Variants in RBFOX1 observed in about 807,000 individuals in gnomAD.
The protein encoded by RBFOX1 is RNA binding fox-1 homolog 1.
A neutral mutation model predicts 57.7 loss-of-function variants in RBFOX1; 8 were observed. The ratio of observed to expected loss-of-function variants is 0.14; its 90% CI spans 0.08 to 0.25. RBFOX1 has a LOEUF of 0.25. Ranked by LOEUF, RBFOX1 falls within the 10% of genes least tolerant of loss-of-function variation. The probability of loss-of-function intolerance (pLI) is 1.00; values close to 1 mark genes in which losing one functional copy is unlikely to be tolerated. For synonymous variants in RBFOX1, 326 were observed against 222.4 expected, an observed-to-expected ratio of 1.47 and a Z score of -4.15; for missense variants, 611 against 548.5, an observed-to-expected ratio of 1.11 and a Z score of -1.14.
chr16:6,901,705 T>C (rs1231616905), intron 3 of RBFOX1, among the ~76,000 whole-genome samples: 1 of 152,222 alleles, frequency 6.6e-6, no homozygotes, highest in Admixed American at 6.5e-5. Context: ...GATAATTTGT[T>C]ACATGGAAGC....
At chr16:6,361,491 G>A (rs1385903331) in intron 2 of RBFOX1, among the ~76,000 whole-genome samples, 2 of 152,080 alleles carry the variant, frequency 1.3e-5, no homozygotes, top group African/African-American at 2.4e-5. Flanking sequence ...AGCCTGGTGT[G>A]GTGGCTAATG....
At chr16:7,407,398 GTGTGTGTA>G (rs374305430) in intron 4 of RBFOX1, among the ~76,000 whole-genome samples, 19 of 151,020 alleles carry the variant, frequency 1.3e-4, no homozygotes, top group African/African-American at 4.4e-4. Context: ...GTGTGTGTGT[GTGTGTGTA>G]TGTGTGTGGT....
rs147104472 is a variant in RBFOX1, at chr16:6,974,977, C to A, written c.-15-77080C>A. Among the ~76,000 whole-genome samples, 966 of 152,320 alleles carry A rather than the reference C, an allele frequency of 6.3e-3. 8 individuals are homozygous for A. The highest frequency in any genetic ancestry group is 0.021 in the African/African-American group (892 of 41,568). ...GTTCTAAAAGAATCTTCCTCTGCTT[C>A]TGCTTCTAATTCTGGAAGAAAGGGT... On this transcript the variant is annotated intron_variant, in intron 3 of 15. Transcript: ENST00000550418.
intron 2 of RBFOX1, among the ~76,000 whole-genome samples, chr16:5,500,432 A>T (rs941979543): frequency 1.3e-5 from 2 of 152,030 alleles, no homozygotes; most frequent in Non-Finnish European, 2.9e-5. Flanking sequence ...TATGTTGCCC[A>T]GGCTGTCTTG....
chr16:7,180,908 T>C (rs141509668), intron 4 of RBFOX1, among the ~76,000 whole-genome samples: 3 of 152,242 alleles, frequency 2.0e-5, no homozygotes, highest in African/African-American at 7.2e-5. Flanking sequence ...GAGGGTCAGA[T>C]AATAAATATT....
chr16:6,128,859 C>T (rs2096609058), intron 1 of RBFOX1, among the ~76,000 whole-genome samples: 1 of 152,174 alleles, frequency 6.6e-6, no homozygotes, highest in African/African-American at 2.4e-5. Flanking sequence ...ACACCTTGTG[C>T]AATCAAGTGG....
At chr16:7,566,899 T>C (rs2091817243) in intron 5 of RBFOX1, among the ~76,000 whole-genome samples, 1 of 151,830 alleles carries the variant, frequency 6.6e-6, no homozygotes, top group Non-Finnish European at 1.5e-5. Context: ...CCCCAAAAGG[T>C]GGTCCACAGT....
chr16:7,050,662 T>C (rs542812368), intron 3 of RBFOX1, among the ~76,000 whole-genome samples: 1 of 152,356 alleles, frequency 6.6e-6, no homozygotes, highest in East Asian at 1.9e-4. Flanking sequence ...TCTTAACAAC[T>C]AAATGGTGTC....
intron 4 of RBFOX1, among the ~76,000 whole-genome samples, chr16:7,206,667 T>G (rs2090042748): frequency 6.6e-6 from 1 of 152,048 alleles, no homozygotes; most frequent in Non-Finnish European, 1.5e-5. Context: ...TTTTAAAAGG[T>G]GATCCTGAAG....
intron 4 of RBFOX1, among the ~76,000 whole-genome samples, chr16:7,466,524 A>T (rs2060554669): frequency 1.3e-5 from 2 of 152,160 alleles, no homozygotes; most frequent in Admixed American, 1.3e-4. Flanking sequence ...AGTTTGCTTC[A>T]ACTCCACGAT....
At chr16:7,548,955 A>G (rs528575970) in intron 5 of RBFOX1, among the ~76,000 whole-genome samples, 2 of 152,348 alleles carry the variant, frequency 1.3e-5, no homozygotes, top group South Asian at 2.1e-4. Flanking sequence ...AGGAAAAGCC[A>G]CCATCCCAGA....
intron 1 of RBFOX1, among the ~76,000 whole-genome samples, chr16:6,216,260 A>C (rs945870914): frequency 2.0e-5 from 3 of 152,148 alleles, no homozygotes; most frequent in Non-Finnish European, 4.4e-5. Flanking sequence ...ACAAACCTGC[A>C]CATATACCCC....
At chr16:6,835,791 A>C (rs1355139687) in intron 3 of RBFOX1, among the ~76,000 whole-genome samples, 1 of 143,522 alleles carries the variant, frequency 7.0e-6, no homozygotes, top group East Asian at 2.1e-4. Flanking sequence ...AGTTTGTATC[A>C]TGTGTAGCTC....
intron 2 of RBFOX1, among the ~76,000 whole-genome samples, chr16:5,543,762 T>G (rs749298999): frequency 1.3e-5 from 2 of 151,958 alleles, no homozygotes; most frequent in African/African-American, 4.8e-5. Context: ...CTTAGTGATA[T>G]AAAAACTTAA....
intron 4 of RBFOX1, among the ~76,000 whole-genome samples, chr16:7,131,832 A>G (rs1439558479): frequency 6.6e-6 from 1 of 151,982 alleles, no homozygotes; most frequent in Non-Finnish European, 1.5e-5. Flanking sequence ...ATTTTTCCCT[A>G]CATCTAAACA....
chr16:6,757,906 A>C (rs9933284), intron 3 of RBFOX1, among the ~76,000 whole-genome samples: 1,874 of 152,314 alleles, frequency 0.012, 43 homozygotes, highest in African/African-American at 0.043. Context: ...TGTACCCTGT[A>C]AATATGTACA....
chr16:5,618,845 C>T (rs891936149), intron 3 of RBFOX1, among the ~76,000 whole-genome samples: 1 of 152,162 alleles, frequency 6.6e-6, no homozygotes, highest in African/African-American at 2.4e-5. Flanking sequence ...TTTGCTGTGT[C>T]TGGATACCAG....
In RBFOX1 at chr16:6,866,541, A is replaced by ATTTTT. The variant is rs56678526; in HGVS notation, c.-15-185502_-15-185498dup. Reference sequence around the variant, plus strand: ...TAAGGTTAGGGCTTTCTTTCCTTCTATTTTTTTTTTTTTTTTTTGAGTTGG... The same window carrying ATTTTT: ...TAAGGTTAGGGCTTTCTTTCCTTCTATTTTTTTTTTTTTTTTTTTTTTTGAGTTGG... On this transcript the variant is annotated intron_variant, in intron 3 of 15. Coordinates refer to ENST00000550418, the MANE Select transcript of RBFOX1 (RefSeq NM_018723.4). Among the ~76,000 whole-genome samples the ATTTTT allele has an allele frequency of 1.1e-3, 85 of 78,872 alleles. 10 individuals carry two copies. Among genetic ancestry groups the ATTTTT allele is most frequent in the African/African-American group, 4.3e-3 (76 of 17,826 alleles). 51.7% of individuals were successfully genotyped at this position (78,872 alleles called of 152,430 possible).
At chr16:5,690,732 G>T (rs2050649510) in intron 3 of RBFOX1, among the ~76,000 whole-genome samples, 1 of 152,152 alleles carries the variant, frequency 6.6e-6, no homozygotes, top group Non-Finnish European at 1.5e-5. Context: ...TGACGTTGGG[G>T]TGAGGGGCGC....
Sources: gnomAD v4.1 joint callset for allele counts (sites outside exome capture counted in the v4.1 genomes callset) on GRCh38, gnomAD v4.1.1 for gene constraint, MANE v1.5 for transcripts, NCBI Gene and HGNC (gene_info 2026-07-23, HGNC 2026-07-21) for gene names.